Variants in ADAMTS2 observed in about 807,000 individuals in gnomAD.
ADAMTS2 encodes ADAM metallopeptidase with thrombospondin type 1 motif 2.
Under a neutral mutation model 123.0 loss-of-function variants are expected in ADAMTS2, and 50 were observed. That is an observed-to-expected ratio of 0.41 (90% CI 0.32 to 0.51). The LOEUF (loss-of-function observed/expected upper bound fraction) is 0.51, where lower values mean the gene tolerates loss of function less well. ADAMTS2 is among the 20% of genes least tolerant of loss of function. ADAMTS2 has a pLI of 0.35. For synonymous variants in ADAMTS2, 678 were observed against 695.4 expected (o/e 0.98, Z 0.39); for missense variants, 1,494 against 1,705.2 (o/e 0.88, Z 2.18).
At chr5:179,174,249 TTTTC>T (rs1002349375) in intron 5 of ADAMTS2, among the ~76,000 whole-genome samples, 1 of 152,190 alleles carries the variant, frequency 6.6e-6, no homozygotes, top group Non-Finnish European at 1.5e-5. Context: ...ACTTGGATTT[TTTTC>T]TTTGTTTCCT....
At position 179,256,650 on chromosome 5, in the gene ADAMTS2, C is replaced by T. The variant is rs1233020875; in HGVS notation, c.688+16261G>A. Among the ~76,000 whole-genome samples the T allele has an allele frequency of 1.3e-5, 2 of 152,170 alleles. No individual in the cohort carries two copies. The highest frequency in any genetic ancestry group is 4.8e-5 in the African/African-American group (2 of 41,438). ...GCGGGGCCAGCATGAGTGGGGGGGC[C>T]AGGCACGAATCGGCAGGGAGGGAGG... On this transcript the variant is annotated intron_variant, in intron 3 of 21. Coordinates refer to ENST00000251582, the MANE Select transcript of ADAMTS2 (RefSeq NM_014244.5). The surrounding 1 kb of genome is among the most constrained non-coding windows in gnomAD (Gnocchi z 4.1).
intron 2 of ADAMTS2, among the ~76,000 whole-genome samples, chr5:179,273,407 C>T (rs1035329862): frequency 6.6e-6 from 1 of 152,108 alleles, no homozygotes; most frequent in African/African-American, 2.4e-5. Context: ...CTGTGCGTGT[C>T]CCCAGGAGGG....
At chr5:179,236,627 T>C (rs533310275) in intron 3 of ADAMTS2, among the ~76,000 whole-genome samples, 4 of 152,076 alleles carry the variant, frequency 2.6e-5, no homozygotes, top group African/African-American at 9.7e-5. Context: ...CCTGTCTCCA[T>C]ACACATAAAA....
At chr5:179,298,148 G>A (rs1360835061) in intron 2 of ADAMTS2, among the ~76,000 whole-genome samples, 2 of 152,158 alleles carry the variant, frequency 1.3e-5, no homozygotes, top group African/African-American at 4.8e-5. Flanking sequence ...AAGCCCACCT[G>A]ACATTCATAG....
At chr5:179,154,678 G>A (rs1435894093) in intron 7 of ADAMTS2, 136 bp downstream of exon 7, 1 of 726,394 alleles carries the variant, frequency 1.4e-6, no homozygotes, top group African/African-American at 1.8e-5. Flanking sequence ...CCCAGCGCTG[G>A]GAAGACAGGA....
rs369654932 is a variant in ADAMTS2, at chr5:179,137,905, G to A, written c.1815C>T (p.Tyr605=). 211 of 1,553,286 alleles carry A rather than the reference G, an allele frequency of 1.4e-4. No individual in the cohort carries two copies. Among genetic ancestry groups the A allele is most frequent in the Middle Eastern group, 3.4e-4 (2 of 5,940 alleles). The change falls in exon 12 of 22, where the codon TAC becomes TAT. Residue 605 remains tyrosine, a synonymous_variant. Coordinates refer to ENST00000251582, the MANE Select transcript of ADAMTS2 (RefSeq NM_014244.5). The part of the protein sequence containing the change: ...NGGRTCSGLA[Y]DFQLCSRQDC... ...CCTGGCGGCTGCAGAGCTGGAAGTC[G>A]TAGGCAAGGCCCGAGCAGGTGCGGC...
intron 4 of ADAMTS2, among the ~76,000 whole-genome samples, chr5:179,194,982 G>A (rs911165038): frequency 6.6e-6 from 1 of 152,170 alleles, no homozygotes; most frequent in Non-Finnish European, 1.5e-5. Flanking sequence ...TGCGATTCAC[G>A]ATGCGGCCAG....
intron 3 of ADAMTS2, among the ~76,000 whole-genome samples, chr5:179,218,871 C>T (rs1409970951): frequency 6.6e-6 from 1 of 152,206 alleles, no homozygotes; most frequent in Non-Finnish European, 1.5e-5. Flanking sequence ...GAACATACCC[C>T]CGCACAGCAG....
chr5:179,223,874 C>G (rs960949100), intron 3 of ADAMTS2, among the ~76,000 whole-genome samples: 1 of 152,238 alleles, frequency 6.6e-6, no homozygotes, highest in African/African-American at 2.4e-5. Context: ...CACACAGGCT[C>G]TACAGTGAAC....
At chr5:179,149,863 G>A (rs1763320063) in intron 10 of ADAMTS2, among the ~76,000 whole-genome samples, 1 of 152,112 alleles carries the variant, frequency 6.6e-6, no homozygotes, top group South Asian at 2.1e-4. Context: ...CCCCAGCTCT[G>A]CCCCTCAGTC....
chr5:179,326,204 G>A (rs1056318377), intron 2 of ADAMTS2, among the ~76,000 whole-genome samples: 6 of 66,950 alleles, frequency 9.0e-5, no homozygotes, highest in African/African-American at 3.0e-4. Flanking sequence ...GTGTGTGCGT[G>A]TGTGTGTGTG....
intron 10 of ADAMTS2, among the ~76,000 whole-genome samples, chr5:179,146,616 GA>G (rs1441700570): frequency 6.6e-6 from 1 of 152,128 alleles, no homozygotes; most frequent in Non-Finnish European, 1.5e-5. Context: ...CTTCGTTAAT[GA>G]GACTGTCAAA....
At chr5:179,309,757 CAAAAAAAAAAAA>C (rs34487269) in intron 2 of ADAMTS2, among the ~76,000 whole-genome samples, 3 of 44,468 alleles carry the variant, frequency 6.7e-5, no homozygotes, top group East Asian at 9.2e-4. Context: ...ACTCAGTCTC[CAAAAAAAAAAAA>C]AAAAAAAAAA....
At chr5:179,184,005 T>C (rs1366453991) in intron 4 of ADAMTS2, among the ~76,000 whole-genome samples, 1 of 152,144 alleles carries the variant, frequency 6.6e-6, no homozygotes, top group Non-Finnish European at 1.5e-5. Flanking sequence ...GCTGGCAACA[T>C]GATCTTGAAA....
intron 2 of ADAMTS2, among the ~76,000 whole-genome samples, chr5:179,280,533 G>C (rs936651488): frequency 6.6e-6 from 1 of 152,156 alleles, no homozygotes. Flanking sequence ...ACTCTACTAG[G>C]ACCAAGGAGA....
intron 15 of ADAMTS2, among the ~76,000 whole-genome samples, chr5:179,131,087 C>T (rs7722465): frequency 0.26 from 39,648 of 151,486 alleles, 5,254 homozygotes; most frequent in East Asian, 0.34. Context: ...CCGAGGCAGG[C>T]GGATCACGAG....
chr5:179,197,403 T>C lies in ADAMTS2; in HGVS notation c.891+10110A>G, dbSNP rs1764452084. Among the ~76,000 whole-genome samples, 1 of 152,202 alleles carries C rather than the reference T, an allele frequency of 6.6e-6. No individual in the cohort carries two copies. The highest frequency in any genetic ancestry group is 2.4e-5 in the African/African-American group (1 of 41,450). ...GCCTTGGGCCCAAGCTTTATATTTC[T>C]TGAAGTCTTGGCACAGATAGATTTT... On this transcript the variant is annotated intron_variant, in intron 4 of 21. Coordinates refer to ENST00000251582, the MANE Select transcript of ADAMTS2 (RefSeq NM_014244.5). This position sits in a 1 kb window ranked among gnomAD's most constrained non-coding sequence, Gnocchi z 4.2.
intron 1 of ADAMTS2, among the ~76,000 whole-genome samples, chr5:179,344,880 C>A (rs1243124238): frequency 3.9e-5 from 6 of 152,176 alleles, no homozygotes; most frequent in Non-Finnish European, 7.4e-5. Context: ...CCCTGGCTCC[C>A]CCCTCGGACC....
intron 13 of ADAMTS2, among the ~76,000 whole-genome samples, chr5:179,135,114 A>G (rs1412791875): frequency 0.013 from 905 of 69,824 alleles, 18 homozygotes; most frequent in African/African-American, 0.045. Flanking sequence ...TCCAGCCCCC[A>G]GCTCCCGGCT....
Sources: allele counts gnomAD v4.1 joint callset (sites outside exome capture counted in the v4.1 genomes callset), GRCh38; gene constraint gnomAD v4.1.1; non-coding constraint Gnocchi (gnomAD v3.1); transcripts MANE v1.5; gene names NCBI Gene and HGNC (gene_info 2026-07-23, HGNC 2026-07-21).